Variants in DPPA2 observed in about 807,000 individuals in gnomAD.
DPPA2 encodes developmental pluripotency associated 2.
DPPA2 carries 26 observed loss-of-function variants against 36.2 expected under a neutral mutation model. That is an observed-to-expected ratio of 0.72 (90% CI 0.53 to 1.00). The LOEUF (loss-of-function observed/expected upper bound fraction) is 1.00, where lower values mean the gene tolerates loss of function less well. Among genes scored for constraint, DPPA2 ranks in the 50% least tolerant of loss-of-function variants. DPPA2 has a pLI of 0.00. For synonymous variants in DPPA2, 113 were observed against 123.2 expected, an observed-to-expected ratio of 0.92 and a Z score of 0.55; for missense variants, 361 against 365.1, an observed-to-expected ratio of 0.99 and a Z score of 0.09.
intron 7 of DPPA2, 150 bp downstream of exon 7, chr3:109,304,325 T>A: frequency 1.4e-6 from 1 of 730,164 alleles, no homozygotes; most frequent in Non-Finnish European, 2.2e-6. Flanking sequence ...CACTAGTGAG[T>A]TCTTCTTGCA....
intron 8 of DPPA2, among the ~76,000 whole-genome samples, chr3:109,298,416 T>C (rs1313499047): frequency 6.6e-6 from 1 of 151,408 alleles, no homozygotes; most frequent in Non-Finnish European, 1.5e-5. Context: ...CCCATCTCTA[T>C]AAAAAAATAA....
chr3:109,308,527 T>A (rs1707622766), intron 5 of DPPA2, among the ~76,000 whole-genome samples: 1 of 152,136 alleles, frequency 6.6e-6, no homozygotes, highest in African/African-American at 2.4e-5. Flanking sequence ...CATGTCCGGC[T>A]AATTTTGCAT....
chr3:109,296,012 A>G (rs1168011202), intron 8 of DPPA2, among the ~76,000 whole-genome samples: 2 of 152,212 alleles, frequency 1.3e-5, no homozygotes, highest in African/African-American at 4.8e-5. Flanking sequence ...AAGCAAAATG[A>G]AAAATCTTTT....
chr3:109,306,003 T>A (rs1469225720), intron 6 of DPPA2, among the ~76,000 whole-genome samples: 1 of 152,156 alleles, frequency 6.6e-6, no homozygotes, highest in Non-Finnish European at 1.5e-5. Context: ...AGACGGGATA[T>A]TTGCAAGAAA....
At chr3:109,304,120 A>C (rs991061059) in intron 7 of DPPA2, among the ~76,000 whole-genome samples, 2 of 152,076 alleles carry the variant, frequency 1.3e-5, no homozygotes, top group Non-Finnish European at 2.9e-5. Flanking sequence ...AAATACAAAA[A>C]TTAGCTGGGC....
intron 8 of DPPA2, among the ~76,000 whole-genome samples, chr3:109,294,757 C>T (rs1016065565): frequency 5.9e-5 from 9 of 152,338 alleles, no homozygotes; most frequent in African/African-American, 7.2e-5. Context: ...GGCGCGGCGG[C>T]TCATGCCTGT....
At chr3:109,303,919 C>G (rs115824101) in intron 7 of DPPA2, among the ~76,000 whole-genome samples, 3,663 of 151,682 alleles carry the variant, frequency 0.024, 140 homozygotes, top group African/African-American at 0.084. Context: ...GGTGGATGTC[C>G]TGAGGTCAGG....
intron 7 of DPPA2, among the ~76,000 whole-genome samples, chr3:109,301,586 AG>A (rs1309064944): frequency 6.6e-6 from 1 of 152,056 alleles, no homozygotes; most frequent in East Asian, 1.9e-4. Context: ...TGGGAGGCAG[AG>A]GTTGCAGTGA....
intron 3 of DPPA2, among the ~76,000 whole-genome samples, chr3:109,310,243 A>G (rs1170119804): frequency 8.3e-5 from 7 of 84,820 alleles, no homozygotes; most frequent in South Asian, 3.4e-4. Flanking sequence ...AAAAAAAAAA[A>G]AAAGAAAAAT....
intron 5 of DPPA2, 131 bp downstream of exon 5, chr3:109,308,895 G>T: frequency 8.7e-7 from 1 of 1,146,338 alleles, no homozygotes; most frequent in Admixed American, 2.2e-5. Flanking sequence ...TATTTGTTCC[G>T]AAATATCAAT....
intron 5 of DPPA2, 75 bp from the exon 6 acceptor site, chr3:109,308,368 C>T (rs920775387): frequency 8.9e-7 from 1 of 1,125,850 alleles, no homozygotes. Flanking sequence ...TTTTATTATT[C>T]TTTTTTTTTT....
chr3:109,300,478 A>C, intron 7 of DPPA2, 43 bp from the exon 8 acceptor site: 10 of 1,578,232 alleles, frequency 6.3e-6, no homozygotes, highest in Non-Finnish European at 7.8e-6. Flanking sequence ...TTGCTACAGC[A>C]AGGTAAACCA....
chr3:109,296,884 C>T (rs1467002849), intron 8 of DPPA2, among the ~76,000 whole-genome samples: 8 of 151,856 alleles, frequency 5.3e-5, no homozygotes, highest in Non-Finnish European at 7.4e-5. Context: ...GCCAGGAGTT[C>T]GAGACCAGCC....
At chr3:109,296,350 A>G (rs1375980649) in intron 8 of DPPA2, among the ~76,000 whole-genome samples, 1 of 152,258 alleles carries the variant, frequency 6.6e-6, no homozygotes, top group Non-Finnish European at 1.5e-5. Context: ...TAAGCCTTAC[A>G]AACAAGAAGA....
At chr3:109,298,939 G>C (rs1428310832) in intron 8 of DPPA2, among the ~76,000 whole-genome samples, 2 of 152,040 alleles carry the variant, frequency 1.3e-5, no homozygotes, top group East Asian at 3.9e-4. Flanking sequence ...CCAGCTACTT[G>C]GGAGGCTGAG....
In DPPA2 at chr3:109,309,001, CA is replaced by C. The variant is rs1213770406; in HGVS notation, c.396+24del. 4 of 1,613,968 alleles carry C rather than the reference CA, an allele frequency of 2.5e-6. No homozygotes were observed. In the East Asian group the frequency reaches 8.9e-5, roughly 36 times the overall value. ...GAATCATGATCAGAACCCACCTTCA[CA>C]CCATCAACACACTCATTACTCACTT... On this transcript the variant is annotated intron_variant, in intron 5 of 8. Transcript: ENST00000478945.
chr3:109,312,512 G>A (rs368013052), intron 3 of DPPA2, 33 bp downstream of exon 3: 3 of 1,589,370 alleles, frequency 1.9e-6, no homozygotes, highest in Admixed American at 1.7e-5. Flanking sequence ...AGAGTTGTAG[G>A]AGTAACTAAC....
chr3:109,297,311 G>T (rs1707373066), intron 8 of DPPA2, among the ~76,000 whole-genome samples: 1 of 152,080 alleles, frequency 6.6e-6, no homozygotes, highest in South Asian at 2.1e-4. Flanking sequence ...ATCACCTGAG[G>T]TCAGGAGTTT....
intron 3 of DPPA2, among the ~76,000 whole-genome samples, chr3:109,311,450 C>G (rs1707707868): frequency 6.6e-6 from 1 of 152,088 alleles, no homozygotes; most frequent in South Asian, 2.1e-4. Context: ...TCTGAAAATA[C>G]TTATTTGGGC....
Sources: gnomAD v4.1 joint callset for allele counts (sites outside exome capture counted in the v4.1 genomes callset) on GRCh38, gnomAD v4.1.1 for gene constraint, MANE v1.5 for transcripts, NCBI Gene and HGNC (gene_info 2026-07-23, HGNC 2026-07-21) for gene names.